Variants in CSMD1 observed in about 807,000 individuals in gnomAD.
CSMD1 encodes CUB and Sushi multiple domains 1.
In CSMD1, 213 loss-of-function variants were observed where a neutral mutation model predicts 417.5. The observed-to-expected ratio is 0.51, with a 90% confidence interval of 0.46 to 0.57. The LOEUF (loss-of-function observed/expected upper bound fraction) is 0.57. Among genes scored for constraint, CSMD1 ranks in the 20% least tolerant of loss-of-function variants. CSMD1 has a pLI of 0.00. For synonymous variants in CSMD1, 2,862 were observed against 1,736.8 expected (o/e 1.65, Z -16.11); for missense variants, 6,923 against 4,529.7 (o/e 1.53, Z -15.17).
intron 4 of CSMD1, among the ~76,000 whole-genome samples, chr8:4,006,603 G>A (rs545591022): frequency 6.6e-6 from 1 of 152,248 alleles, no homozygotes; most frequent in East Asian, 1.9e-4. Flanking sequence ...ATTTATAATT[G>A]ATCCTTCCCC....
intron 5 of CSMD1, among the ~76,000 whole-genome samples, chr8:3,793,693 G>T (rs900405203): frequency 2.6e-5 from 4 of 152,028 alleles, no homozygotes; most frequent in African/African-American, 7.2e-5. Flanking sequence ...CATTATTCAG[G>T]GTAAGTTAAT....
At chr8:3,714,541 G>T (rs1449786187) in intron 6 of CSMD1, among the ~76,000 whole-genome samples, 1 of 78,322 alleles carries the variant, frequency 1.3e-5, no homozygotes, top group East Asian at 4.6e-4. Flanking sequence ...GGCCAACATG[G>T]CGAAACCCCA....
At chr8:3,420,679 G>C (rs935902278) in intron 12 of CSMD1, among the ~76,000 whole-genome samples, 1 of 152,068 alleles carries the variant, frequency 6.6e-6, no homozygotes, top group African/African-American at 2.4e-5. Context: ...TTAAAAATTA[G>C]TCAAATTCTA....
chr8:4,068,273 G>C (rs145755235), intron 3 of CSMD1, among the ~76,000 whole-genome samples: 6 of 152,202 alleles, frequency 3.9e-5, no homozygotes, highest in Non-Finnish European at 8.8e-5. Flanking sequence ...TCGGAGAGTT[G>C]AGAAGTCTAC....
chr8:4,476,869 C>G (rs1328108105), intron 2 of CSMD1, among the ~76,000 whole-genome samples: 1 of 152,154 alleles, frequency 6.6e-6, no homozygotes, highest in Non-Finnish European at 1.5e-5. Context: ...AAAACATAAA[C>G]TACAGGCTTT....
chr8:3,111,603 G>C (rs1416235326), intron 42 of CSMD1, among the ~76,000 whole-genome samples: 3 of 152,106 alleles, frequency 2.0e-5, no homozygotes, highest in Non-Finnish European at 2.9e-5. Context: ...AGACTGAGGT[G>C]GGTGGATCAC....
At chr8:3,807,122 C>A (rs2062072) in intron 5 of CSMD1, among the ~76,000 whole-genome samples, 1 of 152,188 alleles carries the variant, frequency 6.6e-6, no homozygotes, top group South Asian at 2.1e-4. Context: ...TTTAATAGGG[C>A]ACATTTCCTA....
chr8:4,787,609 T>G, intron 1 of CSMD1: 8 of 1,553,536 alleles, frequency 5.1e-6, no homozygotes, highest in Non-Finnish European at 7.1e-6. Context: ...TTGAATGGGT[T>G]TGCAGAAGAA....
At position 4,750,360 on chromosome 8, in the gene CSMD1, G is replaced by C. The variant is rs1043826277; in HGVS notation, c.86-112802C>G. On this transcript the variant is annotated intron_variant, in intron 1 of 69. Coordinates refer to ENST00000635120, the MANE Select transcript of CSMD1 (RefSeq NM_033225.6). ...AAACTGCTGAACAGAAAATTGAGTT[G>C]CTTTTTTAAAAAGTAGTTTAGGGTT... 9.3e-4 allele frequency among the ~76,000 whole-genome samples: 141 copies of C among 152,232 alleles called. 1 individual carries two copies. Among genetic ancestry groups the C allele is most frequent in the African/African-American group, 3.3e-3 (137 of 41,548 alleles).
chr8:4,072,021 G>C (rs567788691), intron 3 of CSMD1, among the ~76,000 whole-genome samples: 2 of 152,256 alleles, frequency 1.3e-5, no homozygotes, highest in Non-Finnish European at 2.9e-5. Flanking sequence ...GGTTTTGCTG[G>C]TTCAGAAAGA....
intron 1 of CSMD1, among the ~76,000 whole-genome samples, chr8:4,786,219 A>G (rs1345722661): frequency 6.6e-6 from 1 of 152,152 alleles, no homozygotes; most frequent in East Asian, 1.9e-4. Context: ...TATTTCACCA[A>G]TTCAATTCAC....
At chr8:3,863,414 A>G (rs1585107346) in intron 5 of CSMD1, among the ~76,000 whole-genome samples, 1 of 150,340 alleles carries the variant, frequency 6.7e-6, no homozygotes, top group South Asian at 2.1e-4. Context: ...AAAAAAAAAA[A>G]GTGCTAATAC....
intron 23 of CSMD1, among the ~76,000 whole-genome samples, chr8:3,310,694 T>C (rs528751509): frequency 2.0e-5 from 3 of 152,110 alleles, no homozygotes; most frequent in Non-Finnish European, 4.4e-5. Context: ...AAAAATCTTT[T>C]TGAGGGGTGA....
intron 2 of CSMD1, among the ~76,000 whole-genome samples, chr8:4,585,765 T>C (rs1799668339): frequency 6.6e-6 from 1 of 152,192 alleles, no homozygotes; most frequent in Non-Finnish European, 1.5e-5. Flanking sequence ...AAAGTGAAAC[T>C]ATCCTATAGA....
chr8:4,977,075 T>C (rs762348159), intron 1 of CSMD1, among the ~76,000 whole-genome samples: 3 of 152,190 alleles, frequency 2.0e-5, no homozygotes, highest in Admixed American at 6.6e-5. Context: ...GTATCAACAG[T>C]TATATTGGCG....
intron 3 of CSMD1, among the ~76,000 whole-genome samples, chr8:4,305,593 AC>A (rs1427025586): frequency 1.3e-5 from 2 of 152,152 alleles, no homozygotes. Flanking sequence ...TAAAAAATTA[AC>A]CTTTCAATAC....
chr8:4,771,380 T>A (rs1003633989), intron 1 of CSMD1, among the ~76,000 whole-genome samples: 4 of 152,224 alleles, frequency 2.6e-5, no homozygotes, highest in African/African-American at 9.6e-5. Flanking sequence ...TTCAGGGAAA[T>A]TGCATTGCTA....
intron 3 of CSMD1, among the ~76,000 whole-genome samples, chr8:4,355,179 G>A (rs991249935): frequency 1.3e-5 from 2 of 151,862 alleles, no homozygotes; most frequent in East Asian, 3.9e-4. Context: ...GGAGAATGGC[G>A]TGAACCTGGG....
chr8:4,970,713 T>G (rs1265579925), intron 1 of CSMD1, among the ~76,000 whole-genome samples: 1 of 152,118 alleles, frequency 6.6e-6, no homozygotes, highest in Non-Finnish European at 1.5e-5. Context: ...ACTCAGGACG[T>G]GGATTCTGAA....
Sources: allele counts gnomAD v4.1 joint callset (sites outside exome capture counted in the v4.1 genomes callset), GRCh38; gene constraint gnomAD v4.1.1; transcripts MANE v1.5; gene names NCBI Gene and HGNC (gene_info 2026-07-23, HGNC 2026-07-21).